MYO3A: variants seen among roughly 807,000 people sequenced by gnomAD.
The protein encoded by MYO3A is myosin-IIIa.
MYO3A carries 180 observed loss-of-function variants against 192.7 expected under a neutral mutation model. The observed-to-expected ratio is 0.93, with a 90% CI of 0.83 to 1.06. The LOEUF is 1.06. Among genes scored for constraint, MYO3A ranks in the 50% least tolerant of loss-of-function variants. MYO3A has a pLI of 0.00. For missense variants in MYO3A, 1,896 were observed against 1,905.0 expected, an observed-to-expected ratio of 1.00 and a Z score of 0.09; for synonymous variants, 628 against 645.3, an observed-to-expected ratio of 0.97 and a Z score of 0.41.
Position 25,934,821 on chromosome 10 carries a change from G to T in MYO3A, c.-105+493G>T, listed in dbSNP as rs985230700. On this transcript the variant is annotated intron_variant, in intron 1 of 34. Coordinates refer to ENST00000642920, the MANE Select transcript of MYO3A (RefSeq NM_017433.5). ...ATGAACTTGAGGAGGGAACGGGAGG[G>T]GTGAACGTGAAGTGGAAACAGGAGG... 2.6e-5 allele frequency among the ~76,000 whole-genome samples: 4 copies of T among 151,972 alleles called. No individual in the cohort carries two copies. The East Asian group carries it at 7.8e-4, about 29-fold the overall frequency.
intron 23 of MYO3A, among the ~76,000 whole-genome samples, chr10:26,153,491 T>A (rs1045157559): frequency 6.6e-6 from 1 of 152,222 alleles, no homozygotes; most frequent in Non-Finnish European, 1.5e-5. Context: ...TCAGGCCAAT[T>A]GTAAAGCTTA....
intron 10 of MYO3A, among the ~76,000 whole-genome samples, chr10:26,044,637 A>G (rs1160638843): frequency 6.6e-6 from 1 of 152,180 alleles, no homozygotes; most frequent in Non-Finnish European, 1.5e-5. Context: ...GAAGAGCACT[A>G]ATTTGACCCA....
At chr10:26,207,869 G>C (rs549351922) in intron 34 of MYO3A, among the ~76,000 whole-genome samples, 1 of 152,256 alleles carries the variant, frequency 6.6e-6, no homozygotes, top group African/African-American at 2.4e-5. Flanking sequence ...TGGGTAGTAT[G>C]AGCATTTTAC....
intron 34 of MYO3A, 109 bp from the exon 35 acceptor site, chr10:26,211,734 C>G (rs1450788556): frequency 6.5e-6 from 10 of 1,536,768 alleles, no homozygotes; most frequent in Non-Finnish European, 8.9e-6. Flanking sequence ...CCTAAATGTC[C>G]GCGGTTGGCA....
In MYO3A at chr10:25,943,542, T is replaced by C. The variant is rs75661888; in HGVS notation, c.-18+7712T>C. ...ATCTTTCCATTTATTTGTGTGTTCT[T>C]TAATTTCTTTCAGCAATGTTTGTAC... On this transcript the variant is annotated intron_variant, in intron 2 of 34. Coordinates refer to ENST00000642920, the MANE Select transcript of MYO3A (RefSeq NM_017433.5). Among the ~76,000 whole-genome samples the C allele has an allele frequency of 4.1e-3, 622 of 152,258 alleles. 3 individuals are homozygous for C. Among genetic ancestry groups the C allele is most frequent in the African/African-American group, 0.014 (588 of 41,570 alleles).
intron 4 of MYO3A, among the ~76,000 whole-genome samples, chr10:25,983,255 A>G (rs895804348): frequency 5.4e-5 from 8 of 147,954 alleles, no homozygotes; most frequent in Non-Finnish European, 1.2e-4. Context: ...AAGAAAAATG[A>G]TTTTTGTTTT....
chr10:26,164,506 C>G (rs11014979), intron 26 of MYO3A, among the ~76,000 whole-genome samples: 1 of 151,802 alleles, frequency 6.6e-6, no homozygotes, highest in African/African-American at 2.4e-5. Flanking sequence ...GAGAGAGGTA[C>G]GGAGGGCAGG....
At chr10:25,945,501 T>C (rs1049769337) in intron 2 of MYO3A, among the ~76,000 whole-genome samples, 1 of 152,116 alleles carries the variant, frequency 6.6e-6, no homozygotes, top group East Asian at 1.9e-4. Flanking sequence ...TCCCCTTTAG[T>C]TCTGTCAGTG....
At chr10:26,056,422 CTG>C (rs1227943876) in intron 10 of MYO3A, among the ~76,000 whole-genome samples, 1 of 152,144 alleles carries the variant, frequency 6.6e-6, no homozygotes, top group African/African-American at 2.4e-5. Flanking sequence ...GCAACAATGA[CTG>C]AGAATTTTCC....
At chr10:26,011,210 CTT>C (rs1564457605) in intron 6 of MYO3A, among the ~76,000 whole-genome samples, 1 of 152,120 alleles carries the variant, frequency 6.6e-6, no homozygotes, top group African/African-American at 2.4e-5. Context: ...GTGTGAATCG[CTT>C]GAGCCAACGA....
intron 31 of MYO3A, among the ~76,000 whole-genome samples, chr10:26,183,947 A>G (rs1429769083): frequency 6.6e-6 from 1 of 152,138 alleles, no homozygotes; most frequent in African/African-American, 2.4e-5. Context: ...AATTAAGGGT[A>G]CGAAGGCTCA....
intron 10 of MYO3A, among the ~76,000 whole-genome samples, chr10:26,055,174 C>T (rs74126373): frequency 0.16 from 24,690 of 151,980 alleles, 2,284 homozygotes; most frequent in Non-Finnish European, 0.21. Context: ...AGCTTCTGGC[C>T]AAGGGTAGTG....
chr10:26,036,752 T>C (rs890519192), intron 10 of MYO3A, among the ~76,000 whole-genome samples: 1 of 152,196 alleles, frequency 6.6e-6, no homozygotes, highest in Non-Finnish European at 1.5e-5. Flanking sequence ...CTGTAGCCCC[T>C]GGGGCCACTT....
chr10:26,205,482 G>GGA (rs1564645924), intron 34 of MYO3A, among the ~76,000 whole-genome samples: 2 of 144,140 alleles, frequency 1.4e-5, no homozygotes, highest in Admixed American at 1.4e-4. Flanking sequence ...TTTTTTTTGG[G>GGA]GGGGGGCTTC....
rs17739425 is a variant in MYO3A, at chr10:26,128,602, T to G, written c.2262+64T>G. ...TGTATTATAGGCAGACTTGTACAAA[T>G]GAAGCAGGACCTTAACCATAGATTT... is the stretch of plus-strand genomic sequence containing the variant. On this transcript the variant is annotated intron_variant, in intron 20 of 34. Transcript: ENST00000642920. The G allele has an allele frequency of 0.42, 629,866 of 1,494,024 alleles. 134,442 individuals are homozygous for G. The highest frequency in any genetic ancestry group is 0.49 in the Middle Eastern group (2,092 of 4,244). 92.5% of individuals were successfully genotyped at this position (1,494,024 alleles called of 1,614,324 possible). A position where few individuals can be genotyped will look rare whatever the true frequency, so the allele number is the denominator to read the frequency against.
chr10:26,017,025 G>GCAAAATTCTCACA, intron 7 of MYO3A, 129 bp downstream of exon 7: 1 of 1,066,890 alleles, frequency 9.4e-7, no homozygotes, highest in Non-Finnish European at 1.4e-6. Flanking sequence ...TTATTTTCAT[G>GCAAAATTCTCACA]TGAGAATTTT....
chr10:26,003,713 C>A (rs1237082429), intron 6 of MYO3A, among the ~76,000 whole-genome samples: 1 of 152,026 alleles, frequency 6.6e-6, no homozygotes, highest in Non-Finnish European at 1.5e-5. Context: ...ATGAAAGAGA[C>A]TAAATTTAAA....
chr10:26,139,136 A>G (rs1475843463), intron 20 of MYO3A, among the ~76,000 whole-genome samples: 1 of 152,218 alleles, frequency 6.6e-6, no homozygotes, highest in Non-Finnish European at 1.5e-5. Context: ...CTAAGCATGT[A>G]TCTACTTTAT....
At chr10:26,159,540 C>A (rs760441485) in intron 26 of MYO3A, among the ~76,000 whole-genome samples, 4 of 150,760 alleles carry the variant, frequency 2.7e-5, no homozygotes, top group African/African-American at 4.9e-5. Context: ...CCACCACGCC[C>A]GGCTAATTTT....
Sources: allele counts gnomAD v4.1 joint callset (sites outside exome capture counted in the v4.1 genomes callset), GRCh38; gene constraint gnomAD v4.1.1; transcripts MANE v1.5; gene names NCBI Gene and HGNC (gene_info 2026-07-23, HGNC 2026-07-21).